The following HS6ST3 variants were observed in gnomAD, a reference collection of about 807,000 sequenced individuals.
HS6ST3 encodes heparan sulfate 6-O-sulfotransferase 3, also known as heparan-sulfate 6-O-sulfotransferase 3.
HS6ST3 carries 12 observed loss-of-function variants against 36.7 expected under a neutral mutation model. The observed-to-expected ratio is 0.33, with a 90% CI of 0.21 to 0.53. The LOEUF is 0.53. HS6ST3 is among the 20% of genes least tolerant of loss of function. HS6ST3 has a pLI of 0.95. For missense variants in HS6ST3, 584 were observed against 640.9 expected (o/e 0.91, Z 0.96); for synonymous variants, 240 against 257.5 (o/e 0.93, Z 0.65).
intron 1 of HS6ST3, among the ~76,000 whole-genome samples, chr13:96,145,666 C>T (rs1210823065): frequency 6.6e-6 from 1 of 152,080 alleles, no homozygotes; most frequent in Non-Finnish European, 1.5e-5. Context: ...AATTAGATCC[C>T]ATTTGTCAAT....
chr13:96,759,008 C>A (rs1876900589), intron 1 of HS6ST3, among the ~76,000 whole-genome samples: 1 of 151,732 alleles, frequency 6.6e-6, no homozygotes, highest in African/African-American at 2.4e-5. Context: ...TATCAGATTT[C>A]ACACATTTTT....
chr13:96,119,776 C>T (rs1282136456), intron 1 of HS6ST3, among the ~76,000 whole-genome samples: 1 of 151,662 alleles, frequency 6.6e-6, no homozygotes, highest in Non-Finnish European at 1.5e-5. Context: ...TCACTCTGTA[C>T]AGTGGAGATA....
chr13:96,118,678 A>T (rs1594682830), intron 1 of HS6ST3, among the ~76,000 whole-genome samples: 3 of 21,924 alleles, frequency 1.4e-4, no homozygotes, highest in Admixed American at 9.6e-4. Flanking sequence ...ATATATATAT[A>T]TATATATATA....
chr13:96,765,588 T>TTCTC (rs58979172), intron 1 of HS6ST3, among the ~76,000 whole-genome samples: 4,525 of 142,610 alleles, frequency 0.032, 75 homozygotes, highest in Middle Eastern at 0.065. Context: ...CTCTCTCTCT[T>TTCTC]TCTCTCTCTC....
intron 1 of HS6ST3, among the ~76,000 whole-genome samples, chr13:96,688,447 G>A (rs1381658246): frequency 6.6e-6 from 1 of 151,934 alleles, no homozygotes; most frequent in Non-Finnish European, 1.5e-5. Flanking sequence ...GTTTAGTCTG[G>A]ATCCAAAGAA....
rs116682842 is a variant in HS6ST3, at chr13:96,456,565, C to T, written c.707+364996C>T. Among the ~76,000 whole-genome samples the T allele has an allele frequency of 3.9e-3, 586 of 152,198 alleles. 4 individuals carry two copies. The highest frequency in any genetic ancestry group is 0.014 in the African/African-American group (565 of 41,530). On this transcript the variant is annotated intron_variant, in intron 1 of 1. Coordinates refer to ENST00000376705, the MANE Select transcript of HS6ST3 (RefSeq NM_153456.4). ...ATCATGTATATCTGTTACACATGCC[C>T]TTAAAATATCAGCCCTGATGGCCTT... is the stretch of plus-strand genomic sequence containing the variant.
At chr13:96,260,528 T>C (rs897260709) in intron 1 of HS6ST3, among the ~76,000 whole-genome samples, 5 of 152,018 alleles carry the variant, frequency 3.3e-5, no homozygotes, top group Non-Finnish European at 7.4e-5. Context: ...TTAGCCAGGA[T>C]AGTCTCGATT....
intron 1 of HS6ST3, among the ~76,000 whole-genome samples, chr13:96,519,842 G>A (rs895136111): frequency 6.6e-6 from 1 of 152,118 alleles, no homozygotes; most frequent in Non-Finnish European, 1.5e-5. Flanking sequence ...CCTCCATAAT[G>A]CTAAATTATA....
At chr13:96,207,355 G>C (rs1044988499) in intron 1 of HS6ST3, among the ~76,000 whole-genome samples, 1 of 151,954 alleles carries the variant, frequency 6.6e-6, no homozygotes, top group East Asian at 1.9e-4. Context: ...CCTTTTTCTT[G>C]TTCATTTTCC....
At chr13:96,353,676 A>G (rs992908332) in intron 1 of HS6ST3, among the ~76,000 whole-genome samples, 17 of 152,190 alleles carry the variant, frequency 1.1e-4, no homozygotes, top group African/African-American at 3.9e-4. Context: ...TAAATAACAA[A>G]CTAGGGAAAA....
chr13:96,540,075 G>A (rs1275497758), intron 1 of HS6ST3, among the ~76,000 whole-genome samples: 3 of 152,182 alleles, frequency 2.0e-5, no homozygotes, highest in African/African-American at 7.2e-5. Context: ...CATCTCTACA[G>A]ATAACTCTTT....
intron 1 of HS6ST3, among the ~76,000 whole-genome samples, chr13:96,422,970 A>T (rs2055568824): frequency 6.6e-6 from 1 of 152,228 alleles, no homozygotes; most frequent in Non-Finnish European, 1.5e-5. Context: ...GGAAACCTAA[A>T]TATTTTATGG....
chr13:96,418,804 T>C (rs1415768544), intron 1 of HS6ST3, among the ~76,000 whole-genome samples: 1 of 152,222 alleles, frequency 6.6e-6, no homozygotes, highest in East Asian at 1.9e-4. Context: ...CTCTGTTTTG[T>C]GCCAGGTTCT....
intron 1 of HS6ST3, among the ~76,000 whole-genome samples, chr13:96,157,500 G>T (rs773972683): frequency 6.6e-6 from 1 of 152,166 alleles, no homozygotes; most frequent in South Asian, 2.1e-4. Context: ...AAGCAATGAA[G>T]TATTTGCTCA....
intron 1 of HS6ST3, among the ~76,000 whole-genome samples, chr13:96,444,768 A>G (rs1355756718): frequency 6.6e-6 from 1 of 152,214 alleles, no homozygotes; most frequent in African/African-American, 2.4e-5. Flanking sequence ...TATTGTTACT[A>G]TGCTATTTAT....
At chr13:96,540,046 T>C (rs1164538254) in intron 1 of HS6ST3, among the ~76,000 whole-genome samples, 3 of 152,254 alleles carry the variant, frequency 2.0e-5, no homozygotes, top group African/African-American at 7.2e-5. Flanking sequence ...AAGTGGATAG[T>C]GGCTGCTGGC....
At chr13:96,531,384 T>C (rs899319653) in intron 1 of HS6ST3, among the ~76,000 whole-genome samples, 1 of 151,968 alleles carries the variant, frequency 6.6e-6, no homozygotes, top group African/African-American at 2.4e-5. Flanking sequence ...ACACATACTG[T>C]GGAAGATTTT....
intron 1 of HS6ST3, among the ~76,000 whole-genome samples, chr13:96,546,288 A>G (rs1008609950): frequency 2.0e-5 from 3 of 152,058 alleles, no homozygotes; most frequent in African/African-American, 7.2e-5. Flanking sequence ...GCCCTTCAGA[A>G]AATTCTAGAG....
At chr13:96,329,159 C>T (rs11620495) in intron 1 of HS6ST3, among the ~76,000 whole-genome samples, 8 of 141,248 alleles carry the variant, frequency 5.7e-5, no homozygotes, top group South Asian at 2.4e-4. Flanking sequence ...TTTTTTGAAG[C>T]GTTTTTTGTG....
Sources: gnomAD v4.1 joint callset for allele counts (sites outside exome capture counted in the v4.1 genomes callset) on GRCh38, gnomAD v4.1.1 for gene constraint, MANE v1.5 for transcripts, NCBI Gene and HGNC (gene_info 2026-07-23, HGNC 2026-07-21) for gene names.